The following MBTD1 variants were observed in gnomAD, a reference collection of about 807,000 sequenced individuals.
MBTD1 encodes the protein MBT domain-containing protein 1.
A neutral mutation model predicts 87.8 loss-of-function variants in MBTD1; 24 were observed. That is an observed-to-expected ratio of 0.27 (90% CI 0.20 to 0.38). MBTD1 has a LOEUF of 0.38. MBTD1 is among the 10% of genes least tolerant of loss of function. MBTD1 has a pLI of 1.00. For synonymous variants in MBTD1, 237 were observed against 248.6 expected (o/e 0.95, Z 0.44); for missense variants, 436 against 760.2 (o/e 0.57, Z 5.02).
At chr17:51,222,339 G>A (rs888414122) in intron 3 of MBTD1, among the ~76,000 whole-genome samples, 5 of 152,228 alleles carry the variant, frequency 3.3e-5, no homozygotes, top group Non-Finnish European at 5.9e-5. Context: ...AAAATCTCAT[G>A]TAGCTTTGAT....
At position 51,203,215 on chromosome 17, in the gene MBTD1, T is replaced by G; in HGVS notation, c.753A>C (p.Lys251Asn). Residue 251 changes from lysine to asparagine, a missense_variant, in exon 9 of 17, where the codon AAA becomes AAC. Physicochemically the swap from Lys to Asn is moderately conservative, Grantham distance 94. This residue lies in a region of MBTD1 where 268 missense variants were observed against 401.8 expected (regional missense o/e 0.67). Coordinates refer to ENST00000586178, the MANE Select transcript of MBTD1 (RefSeq NM_017643.3). ...CTAGAAAAGCTTTCCAGTTTGTATA[T>G]TTATGCTGAATAGCTAAAATAGAAG... ...PLVPPRTIQH[K>N]YTNWKAFLVK... 1 of 1,546,840 alleles carries G rather than the reference T, an allele frequency of 6.5e-7. No individual in the cohort carries two copies. Among genetic ancestry groups the G allele is most frequent in the Non-Finnish European group, 8.7e-7 (1 of 1,149,396 alleles).
In MBTD1 at chr17:51,200,434, G is replaced by A. The variant is rs538309087; in HGVS notation, c.1224+1158C>T. On this transcript the variant is annotated intron_variant, in intron 12 of 16. Coordinates refer to ENST00000586178, the MANE Select transcript of MBTD1 (RefSeq NM_017643.3). ...AACAAAAAAACTGGTTGGGTGTGGT[G>A]GCTTCTGCCTGCAGTACCAGCTGCT... Among the ~76,000 whole-genome samples, 15 of 151,908 alleles carry A rather than the reference G, an allele frequency of 9.9e-5. 1 individual carries two copies. The South Asian group carries it at 2.5e-3, about 25-fold the overall frequency.
intron 3 of MBTD1, among the ~76,000 whole-genome samples, chr17:51,221,652 C>T (rs539805465): frequency 2.6e-5 from 4 of 152,210 alleles, no homozygotes; most frequent in South Asian, 2.1e-4. Flanking sequence ...AAAAAAATTG[C>T]GTCTGTACTG....
chr17:51,206,176 T>C (rs2051820894), intron 7 of MBTD1, among the ~76,000 whole-genome samples: 1 of 152,230 alleles, frequency 6.6e-6, no homozygotes. Context: ...GGGCTTGGTA[T>C]GGTGGAGGCA....
In MBTD1 at chr17:51,187,881, A is replaced by AG. The variant is rs398031068; in HGVS notation, c.1768+4321dup. Among the ~76,000 whole-genome samples, 6 of 151,304 alleles carry AG rather than the reference A, an allele frequency of 4.0e-5. No individual in the cohort carries two copies. The East Asian group carries it at 5.8e-4, about 15-fold the overall frequency. ...AAGAAAGAAAGAAAAAAAAAAAAAA[A>AG]GCAAAGGGATCTTTATCTTTGTGAC... On this transcript the variant is annotated intron_variant, in intron 16 of 16. Coordinates refer to ENST00000586178, the MANE Select transcript of MBTD1 (RefSeq NM_017643.3).
chr17:51,222,104 A>C (rs556073843), intron 3 of MBTD1, among the ~76,000 whole-genome samples: 1 of 152,336 alleles, frequency 6.6e-6, no homozygotes, highest in South Asian at 2.1e-4. Context: ...CTTTGCCAGA[A>C]ATTATACATG....
At chr17:51,181,296 A>G (rs1252624919) in intron 16 of MBTD1, among the ~76,000 whole-genome samples, 1 of 152,172 alleles carries the variant, frequency 6.6e-6, no homozygotes, top group Admixed American at 6.5e-5. Context: ...AAGTGCTGGG[A>G]TGACAGGCGT....
intron 2 of MBTD1, among the ~76,000 whole-genome samples, chr17:51,245,318 C>T (rs2054371173): frequency 1.3e-5 from 2 of 152,088 alleles, no homozygotes; most frequent in South Asian, 4.1e-4. Context: ...TTTACATTTA[C>T]CCTTTATCTG....
chr17:51,182,938 T>C (rs1275488529), intron 16 of MBTD1, among the ~76,000 whole-genome samples: 2 of 152,058 alleles, frequency 1.3e-5, no homozygotes, highest in Non-Finnish European at 2.9e-5. Flanking sequence ...AATAGTACAG[T>C]CAGAAAAATA....
intron 16 of MBTD1, among the ~76,000 whole-genome samples, chr17:51,190,771 A>ATATATAT (rs1555677217): frequency 1.5e-5 from 2 of 133,682 alleles, no homozygotes; most frequent in Admixed American, 7.5e-5. Flanking sequence ...ATATATATAT[A>ATATATAT]ACCTTATCTA....
intron 2 of MBTD1, among the ~76,000 whole-genome samples, chr17:51,230,396 A>G (rs1174253003): frequency 1.3e-5 from 2 of 152,130 alleles, no homozygotes; most frequent in East Asian, 3.8e-4. Context: ...ACATTTATCA[A>G]GTATTTGTGG....
At chr17:51,199,284 C>CA (rs2051322781) in intron 12 of MBTD1, among the ~76,000 whole-genome samples, 1 of 149,110 alleles carries the variant, frequency 6.7e-6, no homozygotes, top group South Asian at 2.1e-4. Flanking sequence ...TTTTTAGTTT[C>CA]ATCATGTTGA....
At chr17:51,201,402 C>A (rs2051482068) in intron 12 of MBTD1, among the ~76,000 whole-genome samples, 190 bp downstream of exon 12, 1 of 152,148 alleles carries the variant, frequency 6.6e-6, no homozygotes, top group African/African-American at 2.4e-5. Flanking sequence ...CTCAAAATGA[C>A]AATCTTGACA....
chr17:51,203,031 A>T, intron 9 of MBTD1, 96 bp from the exon 10 acceptor site: 1 of 1,261,686 alleles, frequency 7.9e-7, no homozygotes, highest in Non-Finnish European at 1.1e-6. Context: ...TGCACTTGAA[A>T]TGTAACACAG....
rs114242586 is a variant in MBTD1, at chr17:51,206,506, C to T, written c.604+382G>A. ...GTCTATTGCTGGATTATTTTTATGGCTGTGATCTAAGAATTACTTTTACAT... is the reference window on the plus strand; with the variant it reads ...GTCTATTGCTGGATTATTTTTATGGTTGTGATCTAAGAATTACTTTTACAT... On this transcript the variant is annotated intron_variant, in intron 7 of 16. Coordinates refer to ENST00000586178, the MANE Select transcript of MBTD1 (RefSeq NM_017643.3). Among the ~76,000 whole-genome samples the T allele has an allele frequency of 4.6e-3, 701 of 152,052 alleles. 7 individuals carry two copies. Among genetic ancestry groups the T allele is most frequent in the African/African-American group, 0.016 (674 of 41,458 alleles).
intron 14 of MBTD1, 127 bp from the exon 15 acceptor site, chr17:51,193,143 A>G (rs913537990): frequency 8.6e-6 from 6 of 694,660 alleles, no homozygotes; most frequent in African/African-American, 1.8e-5. Flanking sequence ...TAAATTCCAA[A>G]TAATTCTTTA....
At chr17:51,258,324 C>T (rs2055213345) in intron 2 of MBTD1, among the ~76,000 whole-genome samples, 1 of 152,150 alleles carries the variant, frequency 6.6e-6, no homozygotes, top group Non-Finnish European at 1.5e-5. Flanking sequence ...TTAGAGGCAG[C>T]ATAGCTCACC....
At chr17:51,260,587 G>C (rs746038198), upstream of MBTD1, 13 of 1,611,878 alleles carry the variant, frequency 8.1e-6, no homozygotes, top group Non-Finnish European at 1.1e-5. Context: ...ACCTAACGAT[G>C]CCGCCGGAGC....
chr17:51,257,194 C>G (rs1035033265), intron 2 of MBTD1, among the ~76,000 whole-genome samples: 1 of 152,200 alleles, frequency 6.6e-6, no homozygotes, highest in Non-Finnish European at 1.5e-5. Context: ...TAAGTCCTTT[C>G]TCTTTTATTG....
Sources: allele counts gnomAD v4.1 joint callset (sites outside exome capture counted in the v4.1 genomes callset), GRCh38; gene constraint gnomAD v4.1.1; regional missense constraint gnomAD v4.1.1; transcripts MANE v1.5; gene names NCBI Gene and HGNC (gene_info 2026-07-23, HGNC 2026-07-21).